Variants in DPYSL3 observed in about 807,000 individuals in gnomAD.
DPYSL3 encodes the protein dihydropyrimidinase like 3.
A neutral mutation model predicts 66.1 loss-of-function variants in DPYSL3; 16 were observed. That is an observed-to-expected ratio of 0.24 (90% CI 0.16 to 0.37). The LOEUF (loss-of-function observed/expected upper bound fraction) is 0.37, where lower values mean the gene tolerates loss of function less well. Ranked by LOEUF, DPYSL3 falls within the 10% of genes least tolerant of loss-of-function variation. DPYSL3 has a pLI of 1.00. For missense variants in DPYSL3, 738 were observed against 916.2 expected (o/e 0.81, Z 2.51); for synonymous variants, 338 against 345.1 (o/e 0.98, Z 0.23).
intron 7 of DPYSL3, among the ~76,000 whole-genome samples, chr5:147,408,086 T>C (rs1161130281): frequency 2.0e-5 from 3 of 152,182 alleles, no homozygotes; most frequent in Admixed American, 6.5e-5. Context: ...TTCACTGATA[T>C]GGAGGGCCTT....
chr5:147,441,353 T>C (rs1344342589), intron 1 of DPYSL3, among the ~76,000 whole-genome samples: 2 of 151,778 alleles, frequency 1.3e-5, no homozygotes, highest in Non-Finnish European at 2.9e-5. Flanking sequence ...CTAATCCTTG[T>C]GTCCTCACAT....
intron 1 of DPYSL3, among the ~76,000 whole-genome samples, chr5:147,489,832 C>A (rs1233962439): frequency 6.6e-6 from 1 of 151,546 alleles, no homozygotes; most frequent in African/African-American, 2.4e-5. Flanking sequence ...AGGGTGAGGG[C>A]TGAAAAGTTA....
intron 10 of DPYSL3, 81 bp from the exon 11 acceptor site, chr5:147,399,333 AC>A: frequency 4.1e-6 from 6 of 1,460,522 alleles, no homozygotes; most frequent in Non-Finnish European, 5.5e-6. Flanking sequence ...GAGAAAGACA[AC>A]CCACAAAGGC....
rs1438315270 is a variant in DPYSL3, at chr5:147,390,949, T to C, written c.*3086A>G. The C allele has an allele frequency of 1.3e-5, 2 of 152,666 alleles. No homozygotes were observed. The highest frequency in any genetic ancestry group is 2.4e-5 in the African/African-American group (1 of 41,456). The allele number at this position is 152,666 out of a possible 1,614,324, so 9.5% of individuals were successfully genotyped here. On this transcript the variant is annotated 3_prime_UTR_variant, in exon 14 of 14. Transcript: ENST00000343218. ...CAGCTCTTCACGTTCCAGAGCTGCCTCACAGCTAGCACAGATCACAGGAGA... is the reference window on the plus strand; with the variant it reads ...CAGCTCTTCACGTTCCAGAGCTGCCCCACAGCTAGCACAGATCACAGGAGA...
intron 1 of DPYSL3, among the ~76,000 whole-genome samples, chr5:147,427,182 C>T (rs547020884): frequency 6.6e-6 from 1 of 152,342 alleles, no homozygotes; most frequent in South Asian, 2.1e-4. Flanking sequence ...GGCTTTTCCT[C>T]CACGATGTGT....
chr5:147,488,910 G>T (rs1753374784), intron 1 of DPYSL3, among the ~76,000 whole-genome samples: 2 of 151,858 alleles, frequency 1.3e-5, no homozygotes, highest in South Asian at 4.2e-4. Context: ...AGCTACTCGG[G>T]AGGCTGAGGC....
intron 1 of DPYSL3, among the ~76,000 whole-genome samples, chr5:147,500,812 A>G (rs1445648387): frequency 1.3e-5 from 2 of 152,306 alleles, no homozygotes; most frequent in Non-Finnish European, 2.9e-5. Context: ...GAACACTGAC[A>G]ACATCAAATG....
chr5:147,477,364 G>T (rs1179274594), intron 1 of DPYSL3, among the ~76,000 whole-genome samples: 1 of 152,060 alleles, frequency 6.6e-6, no homozygotes, highest in Non-Finnish European at 1.5e-5. Flanking sequence ...ACAACAAAGA[G>T]ATTAAGAGAC....
intron 1 of DPYSL3, among the ~76,000 whole-genome samples, chr5:147,487,050 C>T (rs2126442645): frequency 6.6e-6 from 1 of 152,210 alleles, no homozygotes; most frequent in Non-Finnish European, 1.5e-5. Context: ...GCCTTCTTTT[C>T]CACCACTACC....
intron 1 of DPYSL3, among the ~76,000 whole-genome samples, chr5:147,506,929 G>A (rs1753690878): frequency 6.6e-6 from 1 of 152,170 alleles, no homozygotes; most frequent in Non-Finnish European, 1.5e-5. Flanking sequence ...TCCACCAGTT[G>A]CTTTGAAGCT....
chr5:147,422,650 A>G (rs2126323787), intron 2 of DPYSL3, among the ~76,000 whole-genome samples: 1 of 152,266 alleles, frequency 6.6e-6, no homozygotes, highest in South Asian at 2.1e-4. Flanking sequence ...GCACATATAC[A>G]TCATGAAATA....
At chr5:147,472,673 ATCTC>A (rs1753102139) in intron 1 of DPYSL3, 1 of 152,096 alleles carries the variant, frequency 6.6e-6, no homozygotes. Flanking sequence ...GCCTTTAAGT[ATCTC>A]TCTGTTTTTC....
At chr5:147,484,478 C>A (rs1753297663) in intron 1 of DPYSL3, among the ~76,000 whole-genome samples, 1 of 152,214 alleles carries the variant, frequency 6.6e-6, no homozygotes, top group Admixed American at 6.5e-5. Context: ...TATCAACAAC[C>A]TACGTCCTTA....
chr5:147,411,079 G>A (rs1443318686), intron 6 of DPYSL3, among the ~76,000 whole-genome samples: 1 of 152,216 alleles, frequency 6.6e-6, no homozygotes, highest in East Asian at 1.9e-4. Context: ...CTGAAAGCAG[G>A]GCTGGGACCT....
At chr5:147,448,549 G>C (rs542804031) in intron 1 of DPYSL3, among the ~76,000 whole-genome samples, 3 of 152,186 alleles carry the variant, frequency 2.0e-5, no homozygotes, top group Non-Finnish European at 2.9e-5. Context: ...AAGTAGTTGA[G>C]ATTTTATAAA....
rs561636291 is a variant in DPYSL3, at chr5:147,468,205, G to A, written c.381+41273C>T. On this transcript the variant is annotated intron_variant, in intron 1 of 13. Coordinates refer to ENST00000343218, the MANE Select transcript of DPYSL3 (RefSeq NM_001197294.2). Reference sequence around the variant, plus strand: ...AGCTAATGCCACTATGGAAAACAATGATTTTTAACACCCACATATCTTTGA... The same window carrying A: ...AGCTAATGCCACTATGGAAAACAATAATTTTTAACACCCACATATCTTTGA... Among the ~76,000 whole-genome samples the A allele has an allele frequency of 2.1e-4, 32 of 152,224 alleles. No individual in the cohort carries two copies. In the South Asian group the frequency reaches 6.2e-3, roughly 30 times the overall value.
At chr5:147,426,586 G>A (rs1752202446) in intron 1 of DPYSL3, among the ~76,000 whole-genome samples, 1 of 152,114 alleles carries the variant, frequency 6.6e-6, no homozygotes, top group South Asian at 2.1e-4. Flanking sequence ...TCAAGGGCAG[G>A]GAGACATCAT....
At chr5:147,441,751 T>A (rs1266579018) in intron 1 of DPYSL3, among the ~76,000 whole-genome samples, 1 of 152,154 alleles carries the variant, frequency 6.6e-6, no homozygotes, top group African/African-American at 2.4e-5. Flanking sequence ...AATGAAGGGG[T>A]TGGAATAACA....
intron 4 of DPYSL3, among the ~76,000 whole-genome samples, chr5:147,414,269 C>T (rs1169065713): frequency 6.6e-6 from 1 of 152,158 alleles, no homozygotes; most frequent in Non-Finnish European, 1.5e-5. Flanking sequence ...GAAAGGAGAA[C>T]TAAGATACAG....
Sources: gnomAD v4.1 joint callset for allele counts (sites outside exome capture counted in the v4.1 genomes callset) on GRCh38, gnomAD v4.1.1 for gene constraint, MANE v1.5 for transcripts, NCBI Gene and HGNC (gene_info 2026-07-23, HGNC 2026-07-21) for gene names.